Variants in LRRTM4 observed in about 807,000 individuals in gnomAD.
The protein encoded by LRRTM4 is leucine rich repeat transmembrane neuronal 4, also known as leucine-rich repeat transmembrane neuronal protein 4.
A neutral mutation model predicts 47.6 loss-of-function variants in LRRTM4; 25 were observed. The ratio of observed to expected loss-of-function variants is 0.53; its 90% confidence interval spans 0.38 to 0.73. The LOEUF (loss-of-function observed/expected upper bound fraction) is 0.73. LRRTM4 is among the 30% of genes least tolerant of loss of function. The pLI is 0.00. For missense variants in LRRTM4, 638 were observed against 713.4 expected, an observed-to-expected ratio of 0.89 and a Z score of 1.20; for synonymous variants, 311 against 269.5, an observed-to-expected ratio of 1.15 and a Z score of -1.51.
intron 3 of LRRTM4, among the ~76,000 whole-genome samples, chr2:76,770,063 G>C (rs191089073): frequency 1.3e-4 from 20 of 152,244 alleles, no homozygotes; most frequent in African/African-American, 1.9e-4. Context: ...TAGAGTGGGA[G>C]ATGAAGACTC....
In LRRTM4 at chr2:76,823,748, C is replaced by A. The variant is rs546479856; in HGVS notation, c.1552-74832G>T. Among the ~76,000 whole-genome samples the A allele has an allele frequency of 2.0e-5, 3 of 151,418 alleles. No homozygotes were observed. In the South Asian group the frequency reaches 6.2e-4, roughly 31 times the overall value. ...TCACTGATTGTTTTAGTGATATACA[C>A]ATTAAGTCTTCTAGATATCAAAAAA... is the stretch of plus-strand genomic sequence containing the variant. On this transcript the variant is annotated intron_variant, in intron 3 of 3. Coordinates refer to ENST00000409884, the MANE Select transcript of LRRTM4 (RefSeq NM_001134745.3).
At chr2:77,481,364 C>T (rs1212722600) in intron 3 of LRRTM4, among the ~76,000 whole-genome samples, 1 of 152,134 alleles carries the variant, frequency 6.6e-6, no homozygotes, top group African/African-American at 2.4e-5. Context: ...GTTCGAGAAC[C>T]TGCCTTCTTA....
chr2:77,400,154 G>A (rs1375759274), intron 3 of LRRTM4, among the ~76,000 whole-genome samples: 1 of 151,732 alleles, frequency 6.6e-6, no homozygotes, highest in Non-Finnish European at 1.5e-5. Context: ...ATGTCTTTCT[G>A]TGCCCAGCTT....
intron 3 of LRRTM4, among the ~76,000 whole-genome samples, chr2:76,751,043 G>A (rs1672833417): frequency 6.6e-6 from 1 of 152,142 alleles, no homozygotes; most frequent in African/African-American, 2.4e-5. Context: ...TTAAATTTAT[G>A]TATGTGCATA....
chr2:76,915,739 A>T (rs1387071581), intron 3 of LRRTM4, among the ~76,000 whole-genome samples: 3 of 152,134 alleles, frequency 2.0e-5, no homozygotes, highest in African/African-American at 2.4e-5. Flanking sequence ...AAAAAATTAA[A>T]ATATGAAAGA....
rs530775422 is a variant in LRRTM4, at chr2:76,815,927, C to T, written c.1552-67011G>A. Among the ~76,000 whole-genome samples the T allele has an allele frequency of 8.6e-5, 13 of 151,902 alleles. No individual in the cohort carries two copies. The East Asian group carries it at 2.5e-3, about 29-fold the overall frequency. On this transcript the variant is annotated intron_variant, in intron 3 of 3. Coordinates refer to ENST00000409884, the MANE Select transcript of LRRTM4 (RefSeq NM_001134745.3). Reference sequence around the variant, plus strand: ...CTGAAATTGATTTTATTATCTTCCCCTTTTTTTTCTCTAAAAATACACTTC... The same window carrying T: ...CTGAAATTGATTTTATTATCTTCCCTTTTTTTTTCTCTAAAAATACACTTC...
At chr2:77,058,272 G>A (rs1679672536) in intron 3 of LRRTM4, among the ~76,000 whole-genome samples, 1 of 152,084 alleles carries the variant, frequency 6.6e-6, no homozygotes, top group Admixed American at 6.6e-5. Flanking sequence ...CATATAAAAA[G>A]TGCTTCTGTT....
At chr2:77,467,310 C>T (rs1677018855) in intron 3 of LRRTM4, among the ~76,000 whole-genome samples, 1 of 152,122 alleles carries the variant, frequency 6.6e-6, no homozygotes, top group Admixed American at 6.6e-5. Flanking sequence ...CAGCAAGACT[C>T]AGCCCCATCC....
intron 3 of LRRTM4, among the ~76,000 whole-genome samples, chr2:77,039,873 A>G (rs918593619): frequency 6.6e-6 from 1 of 151,210 alleles, no homozygotes; most frequent in African/African-American, 2.4e-5. Context: ...ATAGAATAAT[A>G]TTGCAAAAGG....
intron 3 of LRRTM4, among the ~76,000 whole-genome samples, chr2:77,358,877 G>C (rs891412702): frequency 6.6e-6 from 1 of 152,104 alleles, no homozygotes; most frequent in Admixed American, 6.5e-5. Flanking sequence ...GCAGATCCAA[G>C]ACTTGGCCAA....
At chr2:77,131,792 C>G (rs1314918928) in intron 3 of LRRTM4, among the ~76,000 whole-genome samples, 1 of 152,148 alleles carries the variant, frequency 6.6e-6, no homozygotes, top group African/African-American at 2.4e-5. Flanking sequence ...TAGGAGGAAG[C>G]ATTCCTGAAG....
chr2:77,319,766 C>A (rs551342111), intron 3 of LRRTM4, among the ~76,000 whole-genome samples: 1 of 152,252 alleles, frequency 6.6e-6, no homozygotes, highest in African/African-American at 2.4e-5. Flanking sequence ...TTTGAAATAA[C>A]CATACTACAT....
chr2:77,018,013 A>G (rs1037392304), intron 3 of LRRTM4, among the ~76,000 whole-genome samples: 5 of 151,838 alleles, frequency 3.3e-5, no homozygotes, highest in African/African-American at 1.2e-4. Flanking sequence ...TTTCTTATCC[A>G]TCTATGCGCA....
intron 3 of LRRTM4, among the ~76,000 whole-genome samples, chr2:76,944,555 C>A (rs1182425923): frequency 2.0e-5 from 3 of 151,978 alleles, no homozygotes; most frequent in African/African-American, 4.8e-5. Context: ...TGTTTCTGAA[C>A]ATGAAAGGAG....
chr2:77,046,913 A>T (rs748087425), intron 3 of LRRTM4, among the ~76,000 whole-genome samples: 3 of 152,052 alleles, frequency 2.0e-5, no homozygotes, highest in Non-Finnish European at 4.4e-5. Flanking sequence ...GGGAAGCAGA[A>T]GCCTGATACT....
intron 3 of LRRTM4, among the ~76,000 whole-genome samples, chr2:77,499,153 T>A (rs902884391): frequency 6.6e-6 from 1 of 151,908 alleles, no homozygotes; most frequent in East Asian, 1.9e-4. Flanking sequence ...TTGGTTGTCA[T>A]GATTGGCATG....
intron 3 of LRRTM4, among the ~76,000 whole-genome samples, chr2:76,829,871 C>A (rs1671298924): frequency 6.6e-6 from 1 of 151,948 alleles, no homozygotes; most frequent in Non-Finnish European, 1.5e-5. Context: ...GACATTTTGA[C>A]CAAATTTATT....
chr2:77,308,233 T>C (rs997289170), intron 3 of LRRTM4, among the ~76,000 whole-genome samples: 3 of 151,174 alleles, frequency 2.0e-5, no homozygotes, highest in African/African-American at 7.3e-5. Context: ...AAGGGATTTA[T>C]CGTTAATAAA....
At chr2:77,489,340 C>T (rs1292036138) in intron 3 of LRRTM4, among the ~76,000 whole-genome samples, 1 of 152,166 alleles carries the variant, frequency 6.6e-6, no homozygotes, top group African/African-American at 2.4e-5. Flanking sequence ...TATTGGTCTT[C>T]CTTAGCAGTC....
Sources: gnomAD v4.1 joint callset for allele counts (sites outside exome capture counted in the v4.1 genomes callset) on GRCh38, gnomAD v4.1.1 for gene constraint, MANE v1.5 for transcripts, NCBI Gene and HGNC (gene_info 2026-07-23, HGNC 2026-07-21) for gene names.